The following MAP3K14 variants were observed in gnomAD, a reference collection of about 807,000 sequenced individuals.
MAP3K14 encodes the protein mitogen-activated protein kinase kinase kinase 14.
MAP3K14 carries 16 observed loss-of-function variants against 99.2 expected under a neutral mutation model. That is an observed-to-expected ratio of 0.16 (90% CI 0.11 to 0.24). The LOEUF is 0.24. Ranked by LOEUF, MAP3K14 falls within the 10% of genes least tolerant of loss-of-function variation. MAP3K14 has a pLI of 1.00. For synonymous variants in MAP3K14, 462 were observed against 492.4 expected (o/e 0.94, Z 0.82); for missense variants, 784 against 1,208.7 (o/e 0.65, Z 5.21).
At chr17:45,289,151 G>T in intron 3 of MAP3K14, 85 bp downstream of exon 3, 1 of 1,232,108 alleles carries the variant, frequency 8.1e-7, no homozygotes, top group Non-Finnish European at 1.2e-6. Flanking sequence ...CCCGGGGTCA[G>T]CAGGAGCGGC....
chr17:45,286,365 A>G lies in MAP3K14; in HGVS notation c.1152+66T>C. On this transcript the variant is annotated intron_variant, in intron 5 of 15. Transcript: ENST00000344686. This position sits in a 1 kb window ranked among gnomAD's most constrained non-coding sequence, Gnocchi z 4.1. ...ACCACAGGCAAGAGTGACTCTGATAAAGAGAGAAAAGCATCCCCCAGGTTG... is the reference window on the plus strand; with the variant it reads ...ACCACAGGCAAGAGTGACTCTGATAGAGAGAGAAAAGCATCCCCCAGGTTG... The G allele has an allele frequency of 6.8e-7, 1 of 1,476,904 alleles. No individual in the cohort carries two copies. Among genetic ancestry groups the G allele is most frequent in the Non-Finnish European group, 9.0e-7 (1 of 1,109,030 alleles). 91.5% of individuals were successfully genotyped at this position (1,476,904 alleles called of 1,614,324 possible). A position where few individuals can be genotyped will look rare whatever the true frequency, so the allele number is the denominator to read the frequency against.
rs113660791 is a variant in MAP3K14, at chr17:45,297,230, T to G, written c.-20-6465A>C. 1.4e-3 allele frequency among the ~76,000 whole-genome samples: 212 copies of G among 152,312 alleles called. 1 individual carries two copies. Among genetic ancestry groups the G allele is most frequent in the African/African-American group, 4.8e-3 (201 of 41,568 alleles). On this transcript the variant is annotated intron_variant, in intron 1 of 15. Coordinates refer to ENST00000344686, the MANE Select transcript of MAP3K14 (RefSeq NM_003954.5). The stretch of plus-strand genomic sequence containing the variant: ...AGTTCCTTCCTAGAATAAAATCTGG[T>G]TGGCAGAGGCATCTAGAACATCCAG...
At chr17:45,304,953 TAAATTACATAGC>T (rs941775974) in intron 1 of MAP3K14, among the ~76,000 whole-genome samples, 14 of 152,178 alleles carry the variant, frequency 9.2e-5, no homozygotes, top group African/African-American at 3.1e-4. Flanking sequence ...GAACAAAGTT[TAAATTACATAGC>T]ACAGTGCCTG....
At chr17:45,305,734 A>G (rs9908330) in intron 1 of MAP3K14, among the ~76,000 whole-genome samples, 77,043 of 152,068 alleles carry the variant, frequency 0.51, 19,967 homozygotes, top group East Asian at 0.73. Flanking sequence ...GCTATAAGGC[A>G]CTGAAGCCTA....
intron 11 of MAP3K14, among the ~76,000 whole-genome samples, chr17:45,269,652 G>A (rs572389181): frequency 2.6e-5 from 4 of 152,144 alleles, no homozygotes; most frequent in Non-Finnish European, 4.4e-5. Flanking sequence ...TCATGCCTAC[G>A]TAATGAAGCC....
chr17:45,285,640 CA>C lies in MAP3K14; in HGVS notation c.1153-692del, dbSNP rs1392138393. On this transcript the variant is annotated intron_variant, in intron 5 of 15. Coordinates refer to ENST00000344686, the MANE Select transcript of MAP3K14 (RefSeq NM_003954.5). ...GACTCTGTCTCAAAACAAAACAAAA[CA>C]AAAAAATTAAAAAATTAAAAAGTGG... Among the ~76,000 whole-genome samples, 6 of 150,300 alleles carry C rather than the reference CA, an allele frequency of 4.0e-5. No homozygotes were observed. The South Asian group carries it at 1.3e-3, about 32-fold the overall frequency.
intron 1 of MAP3K14, among the ~76,000 whole-genome samples, chr17:45,293,204 G>C (rs1304635987): frequency 6.6e-6 from 1 of 152,222 alleles, no homozygotes; most frequent in African/African-American, 2.4e-5. Flanking sequence ...AGTCCTGCCT[G>C]ATGAATGAGA....
At chr17:45,266,314 G>A (rs534333221) in intron 14 of MAP3K14, 1 of 482,884 alleles carries the variant, frequency 2.1e-6, no homozygotes, top group East Asian at 3.1e-5. Flanking sequence ...CTGACAATGA[G>A]GGGATAATGG....
chr17:45,290,587 T>G lies in MAP3K14; in HGVS notation c.159A>C (p.Gly53=). The part of the protein sequence containing the change: ...EAVEKSPVFC[G]KWEILNDVIT... ...TCACGTCATTCAGGATCTCCCACTT[T>G]CCGCAGAACACAGGGCTCTTCTCCA... is the stretch of plus-strand genomic sequence containing the variant. Residue 53 remains glycine (G), a synonymous_variant, in exon 2 of 16, where the codon GGA becomes GGC. Coordinates refer to ENST00000344686, the MANE Select transcript of MAP3K14 (RefSeq NM_003954.5). 7 of 1,613,732 alleles carry G rather than the reference T, an allele frequency of 4.3e-6. No individual in the cohort carries two copies. The highest frequency in any genetic ancestry group is 5.9e-6 in the Non-Finnish European group (7 of 1,179,872).
chr17:45,274,675 C>T, intron 6 of MAP3K14, 82 bp from the exon 7 acceptor site: 1 of 1,514,066 alleles, frequency 6.6e-7, no homozygotes, highest in Non-Finnish European at 8.9e-7. Flanking sequence ...CACCCTAGTG[C>T]TCCACACACA....
chr17:45,270,799 C>T (rs985925120), intron 10 of MAP3K14: 15 of 747,836 alleles, frequency 2.0e-5, no homozygotes, highest in Admixed American at 1.2e-4. Context: ...AGGCCCGGCC[C>T]GTTAGGAGGC....
chr17:45,310,809 T>C (rs2044470576), intron 1 of MAP3K14, among the ~76,000 whole-genome samples: 1 of 152,204 alleles, frequency 6.6e-6, no homozygotes. Flanking sequence ...CTGGTAATTG[T>C]ATTTTCTTAT....
Position 45,266,549 on chromosome 17 carries a change from T to C in MAP3K14, c.2566A>G (p.Ser856Gly). 2.5e-6 allele frequency: 4 copies of C among 1,612,828 alleles called. No homozygotes were observed. Among genetic ancestry groups the C allele is most frequent in the Non-Finnish European group, 3.4e-6 (4 of 1,179,546 alleles). Residue 856 changes from serine to glycine, a missense_variant, in exon 14 of 16, where the codon AGC becomes GGC. Around this residue, in one of 5 missense-constraint regions of MAP3K14, gnomAD observed 130 missense variants for 220.4 expected, o/e 0.59. Coordinates refer to ENST00000344686, the MANE Select transcript of MAP3K14 (RefSeq NM_003954.5). ...LARGRPTDTP[S>G]YFNGVKVQIQ... ...AATTGGACTGTACCATTGAAATAGCTTGGGGTGTCGGTGGGCCGCCCCCGG... is the reference window on the plus strand; with the variant it reads ...AATTGGACTGTACCATTGAAATAGCCTGGGGTGTCGGTGGGCCGCCCCCGG...
rs758860338 is a variant in MAP3K14, at chr17:45,287,221, G to A, written c.470C>T (p.Ala157Val). The A allele has an allele frequency of 3.1e-6, 5 of 1,613,870 alleles. No homozygotes were observed. In the African/African-American group the frequency reaches 5.3e-5, roughly 17 times the overall value. ...KKKSSKSLAHAGVALAKPLPR... is the reference protein window; with the variant it reads ...KKKSSKSLAHVGVALAKPLPR... ...GAGGGGTTTGGCCAAGGCCACTCCT[G>A]CATGAGCCAGGGACTTTGAGCTCTT... The change falls in exon 4 of 16, where the codon GCA becomes GTA. Residue 157 changes from alanine (A) to valine (V), a missense_variant. Physicochemically the swap from Ala to Val is moderately conservative, Grantham distance 64 (BLOSUM62 0). Transcript: ENST00000344686.
Position 45,301,271 on chromosome 17 carries a change from C to T in MAP3K14, c.-20-10506G>A, listed in dbSNP as rs186542711. ...CTGAGGTCAGGAGTTTGAGACCAGC[C>T]TGACCAACACAGAGAAACCCCGTCT... On this transcript the variant is annotated intron_variant, in intron 1 of 15. Coordinates refer to ENST00000344686, the MANE Select transcript of MAP3K14 (RefSeq NM_003954.5). Among the ~76,000 whole-genome samples the T allele has an allele frequency of 5.9e-5, 9 of 152,070 alleles. No individual in the cohort carries two copies. In the East Asian group the frequency reaches 1.7e-3, roughly 29 times the overall value.
rs1426472817 is a variant in MAP3K14 at position 45,274,719 on chromosome 17, G to A, written c.1291-126C>T. 11 of 1,165,598 alleles carry A rather than the reference G, an allele frequency of 9.4e-6. 1 individual carries two copies. In the South Asian group the frequency reaches 1.1e-4, roughly 12 times the overall value. The allele number at this position is 1,165,598 out of a possible 1,614,324, so 72.2% of individuals were successfully genotyped here. Reference sequence around the variant, plus strand: ...TGCTGTTTCCAGTGGTGATGCAGGGGCCTGGGGGGCCTGCTGGACCCTCAG... The same window carrying A: ...TGCTGTTTCCAGTGGTGATGCAGGGACCTGGGGGGCCTGCTGGACCCTCAG... On this transcript the variant is annotated intron_variant, in intron 6 of 15. Transcript: ENST00000344686.
intron 11 of MAP3K14, chr17:45,268,221 AC>A (rs1431774535): frequency 6.5e-6 from 1 of 154,680 alleles, no homozygotes; most frequent in African/African-American, 2.4e-5. Context: ...CCCTGGGACC[AC>A]CCTCATCCTT....
intron 1 of MAP3K14, among the ~76,000 whole-genome samples, chr17:45,306,642 T>G (rs559091855): frequency 2.0e-5 from 3 of 152,354 alleles, no homozygotes; most frequent in Non-Finnish European, 4.4e-5. Flanking sequence ...TATTTACCAT[T>G]CTTTTTATAA....
chr17:45,301,732 T>C (rs964194314), intron 1 of MAP3K14, among the ~76,000 whole-genome samples: 9 of 152,226 alleles, frequency 5.9e-5, no homozygotes, highest in African/African-American at 1.9e-4. Flanking sequence ...ATAGCAATGG[T>C]TCTCTTTTGG....
Sources: allele counts gnomAD v4.1 joint callset (sites outside exome capture counted in the v4.1 genomes callset), GRCh38; gene constraint gnomAD v4.1.1; regional missense constraint gnomAD v4.1.1; non-coding constraint Gnocchi (gnomAD v3.1); transcripts MANE v1.5; gene names NCBI Gene and HGNC (gene_info 2026-07-23, HGNC 2026-07-21).